Variants in PCNX1 observed in about 807,000 individuals in gnomAD.
The protein encoded by PCNX1 is pecanex-like protein 1.
A neutral mutation model predicts 242.2 loss-of-function variants in PCNX1; 78 were observed. That is an observed-to-expected ratio of 0.32 (90% CI 0.27 to 0.39). PCNX1 has a LOEUF of 0.39. PCNX1 is among the 10% of genes least tolerant of loss of function. PCNX1 has a pLI of 1.00. For missense variants in PCNX1, 2,581 were observed against 2,856.5 expected (o/e 0.90, Z 2.20); for synonymous variants, 1,024 against 1,032.9 (o/e 0.99, Z 0.17).
chr14:71,026,338 T>C, intron 14 of PCNX1, 50 bp downstream of exon 14: 3 of 1,126,572 alleles, frequency 2.7e-6, no homozygotes, highest in Non-Finnish European at 3.7e-6. Context: ...TATTTGTATA[T>C]CAACATTTTA....
rs1414735991 is a variant in PCNX1, at chr14:70,969,200, T to G, written c.604+90T>G. The G allele has an allele frequency of 6.6e-6, 5 of 753,478 alleles. No individual in the cohort carries two copies. The South Asian group carries it at 7.8e-5, about 12-fold the overall frequency. The allele number at this position is 753,478 out of a possible 1,614,324, so 46.7% of individuals were successfully genotyped here. The stretch of plus-strand genomic sequence containing the variant: ...TGCTGCATACAATTTGGCAGAAGTT[T>G]ATAACAATTTAATATGATATTTAAG... On this transcript the variant is annotated intron_variant, in intron 5 of 35. Coordinates refer to ENST00000304743, the MANE Select transcript of PCNX1 (RefSeq NM_014982.3).
intron 26 of PCNX1, among the ~76,000 whole-genome samples, chr14:71,067,584 G>T (rs971999173): frequency 2.0e-5 from 3 of 151,978 alleles, no homozygotes; most frequent in Non-Finnish European, 4.4e-5. Flanking sequence ...TTTTTGAAGG[G>T]TTTTTTGTGT....
chr14:71,052,263 G>A (rs1401987049), intron 24 of PCNX1, among the ~76,000 whole-genome samples: 1 of 150,874 alleles, frequency 6.6e-6, no homozygotes, highest in East Asian at 1.9e-4. Flanking sequence ...CCAGGCTGGA[G>A]TGCAGTGGTG....
rs1595143682 is a variant in PCNX1, at chr14:70,986,071, T to A, written c.2312-2496T>A. On this transcript the variant is annotated intron_variant, in intron 6 of 35. Transcript: ENST00000304743. ...TTAAGCTTTAAAGACACATTTTCCCTCTTTGGCTGGAATAGAACTGGACCC... is the reference window on the plus strand; with the variant it reads ...TTAAGCTTTAAAGACACATTTTCCCACTTTGGCTGGAATAGAACTGGACCC... Among the ~76,000 whole-genome samples the A allele has an allele frequency of 3.3e-5, 5 of 152,340 alleles. 1 individual carries two copies.
chr14:70,980,972 G>A (rs955850444), intron 6 of PCNX1, among the ~76,000 whole-genome samples: 3 of 152,114 alleles, frequency 2.0e-5, no homozygotes, highest in Non-Finnish European at 2.9e-5. Context: ...AGTGTAGAGA[G>A]ATGGAATTTA....
At chr14:70,958,074 T>C (rs982465354) in intron 2 of PCNX1, among the ~76,000 whole-genome samples, 4 of 152,196 alleles carry the variant, frequency 2.6e-5, no homozygotes, top group Non-Finnish European at 4.4e-5. Context: ...TAGAAAAATT[T>C]CTCCTCTGTC....
At chr14:70,910,349 C>T (rs1465777338) in intron 1 of PCNX1, among the ~76,000 whole-genome samples, 1 of 150,990 alleles carries the variant, frequency 6.6e-6, no homozygotes, top group Admixed American at 6.6e-5. Flanking sequence ...GTTCTTTATT[C>T]TCCACACAGA....
rs370984304 is a variant in PCNX1, at chr14:70,979,933, C to G, written c.2311+1285C>G. Among the ~76,000 whole-genome samples, 549 of 150,682 alleles carry G rather than the reference C, an allele frequency of 3.6e-3. 1 individual carries two copies. Among genetic ancestry groups the G allele is most frequent in the African/African-American group, 0.013 (532 of 41,168 alleles). ...GGTGACAGTAGAGTAATTAAATTCC[C>G]TCGAGTCTTTGACCTGGATATAGTT... On this transcript the variant is annotated intron_variant, in intron 6 of 35. Transcript: ENST00000304743.
chr14:71,045,141 C>T lies in PCNX1; in HGVS notation c.3876C>T (p.Leu1292=). Residue 1292 remains leucine, a synonymous_variant, in exon 20 of 36, where the codon CTC becomes CTT. Coordinates refer to ENST00000304743, the MANE Select transcript of PCNX1 (RefSeq NM_014982.3). ...STVFTVLQPA[L]KYVLYTLVGF... ...TCTATTATTTTTTTTAGCCTGCCCT[C>T]AAGTATGTGTTGTATACATTGGTTG... 6.3e-7 allele frequency: 1 copy of T among 1,587,418 alleles called. No individual in the cohort carries two copies. The highest frequency in any genetic ancestry group is 8.5e-7 in the Non-Finnish European group (1 of 1,170,910).
intron 1 of PCNX1, among the ~76,000 whole-genome samples, chr14:70,939,275 A>G (rs868170246): frequency 3.3e-5 from 5 of 152,344 alleles, no homozygotes; most frequent in African/African-American, 1.2e-4. Flanking sequence ...ATTTAGTGCT[A>G]TAAATTTCCC....
intron 2 of PCNX1, among the ~76,000 whole-genome samples, chr14:70,951,171 T>A (rs1249521201): frequency 6.6e-6 from 1 of 151,824 alleles, no homozygotes; most frequent in East Asian, 2.0e-4. Context: ...TCCCTGTAAA[T>A]TTAGATGCTT....
chr14:70,935,410 A>G (rs766503007), intron 1 of PCNX1, among the ~76,000 whole-genome samples: 24 of 152,196 alleles, frequency 1.6e-4, no homozygotes, highest in African/African-American at 4.1e-4. Context: ...TACACTTAAT[A>G]TGTACATCTT....
intron 26 of PCNX1, among the ~76,000 whole-genome samples, chr14:71,064,559 G>A (rs2061402615): frequency 6.6e-6 from 1 of 152,036 alleles, no homozygotes; most frequent in Non-Finnish European, 1.5e-5. Flanking sequence ...AAACTTCCTG[G>A]AAAGAAAGAA....
intron 30 of PCNX1, among the ~76,000 whole-genome samples, chr14:71,098,041 A>G (rs116010195): frequency 0.014 from 2,100 of 152,258 alleles, 43 homozygotes; most frequent in African/African-American, 0.047. Context: ...TTGAATAGGG[A>G]GTCCTTTCTC....
chr14:71,023,316 T>C, intron 13 of PCNX1, 84 bp downstream of exon 13: 1 of 1,000,574 alleles, frequency 1.0e-6, no homozygotes, highest in Non-Finnish European at 1.6e-6. Flanking sequence ...TTTTTTTGTT[T>C]TGTTTGGAAT....
chr14:71,082,173 TGATTTTCTTAATCC>T (rs2061871140), intron 28 of PCNX1, among the ~76,000 whole-genome samples: 2 of 152,202 alleles, frequency 1.3e-5, no homozygotes, highest in African/African-American at 4.8e-5. Context: ...CGGTTTTGAG[TGATTTTCTTAATCC>T]TGAGTTCTAA....
intron 28 of PCNX1, among the ~76,000 whole-genome samples, chr14:71,079,885 AT>A (rs2061809741): frequency 6.6e-6 from 1 of 152,048 alleles, no homozygotes; most frequent in Non-Finnish European, 1.5e-5. Flanking sequence ...ATTAGATCCC[AT>A]TTGTCAATTT....
chr14:70,965,855 T>TTCC (rs1330762663), intron 3 of PCNX1, among the ~76,000 whole-genome samples: 1 of 152,142 alleles, frequency 6.6e-6, no homozygotes, highest in Non-Finnish European at 1.5e-5. Context: ...TCCATAATCC[T>TTCC]TCCTATGGCA....
At chr14:71,006,123 G>C (rs1247423115) in intron 8 of PCNX1, among the ~76,000 whole-genome samples, 33 of 91,850 alleles carry the variant, frequency 3.6e-4, no homozygotes, top group African/African-American at 1.6e-3. Flanking sequence ...GTGTGTGTGT[G>C]TGTGTGTGTG....
Sources: gnomAD v4.1 joint callset for allele counts (sites outside exome capture counted in the v4.1 genomes callset) on GRCh38, gnomAD v4.1.1 for gene constraint, MANE v1.5 for transcripts, NCBI Gene and HGNC (gene_info 2026-07-23, HGNC 2026-07-21) for gene names.